The following NOXRED1 variants were observed in gnomAD, a reference collection of about 807,000 sequenced individuals.
The protein encoded by NOXRED1 is NADP-dependent oxidoreductase domain-containing protein 1.
A neutral mutation model predicts 30.4 loss-of-function variants in NOXRED1; 20 were observed. The observed-to-expected ratio is 0.66, with a 90% CI of 0.46 to 0.96. The LOEUF (loss-of-function observed/expected upper bound fraction) is 0.96. Among genes scored for constraint, NOXRED1 ranks in the 40% least tolerant of loss-of-function variants. NOXRED1 has a pLI of 0.00. For synonymous variants in NOXRED1, 155 were observed against 168.0 expected (o/e 0.92, Z 0.60); for missense variants, 374 against 428.0 (o/e 0.87, Z 1.11).
intron 5 of NOXRED1, among the ~76,000 whole-genome samples, chr14:77,401,611 T>G (rs569194558): frequency 6.6e-6 from 1 of 152,164 alleles, no homozygotes; most frequent in African/African-American, 2.4e-5. Context: ...GAAGCTGAAG[T>G]GGGAGGATTG....
chr14:77,415,890 AT>A (rs2139694589), intron 1 of NOXRED1, among the ~76,000 whole-genome samples: 1 of 151,978 alleles, frequency 6.6e-6, no homozygotes, highest in East Asian at 1.9e-4. Context: ...TAATTTTTGT[AT>A]TTTTAGTAGA....
chr14:77,414,143 A>T lies in NOXRED1; in HGVS notation c.156-16T>A. 2.0e-6 allele frequency: 3 copies of T among 1,504,950 alleles called. No individual in the cohort carries two copies. Among genetic ancestry groups the T allele is most frequent in the Non-Finnish European group, 2.7e-6 (3 of 1,098,702 alleles). The allele number at this position is 1,504,950 out of a possible 1,614,324, so 93.2% of individuals were successfully genotyped here. ...TAATGATGCTCTGGAGAATGAACAC[A>T]CAGACACGTACATAAATACATGCAC... On this transcript the variant is annotated splice_polypyrimidine_tract_variant and intron_variant, in intron 1 of 5. Coordinates refer to ENST00000380835, the MANE Select transcript of NOXRED1 (RefSeq NM_001113475.3).
At chr14:77,419,493 G>A (rs1894928379) in intron 1 of NOXRED1, among the ~76,000 whole-genome samples, 1 of 138,992 alleles carries the variant, frequency 7.2e-6, no homozygotes, top group Non-Finnish European at 1.5e-5. Flanking sequence ...CTTTCGCCCA[G>A]GCTGGACTGC....
At chr14:77,404,511 G>A (rs1013760730) in intron 5 of NOXRED1, among the ~76,000 whole-genome samples, 1 of 152,158 alleles carries the variant, frequency 6.6e-6, no homozygotes, top group Non-Finnish European at 1.5e-5. Flanking sequence ...CCTAGGCACA[G>A]CATTGACATT....
chr14:77,423,850 A>G (rs1895063417), upstream of NOXRED1, among the ~76,000 whole-genome samples: 1 of 152,232 alleles, frequency 6.6e-6, no homozygotes, highest in South Asian at 2.1e-4. Context: ...TGAAATCCAC[A>G]TAACATAAAA....
At chr14:77,395,280 G>T (rs1894152773) in intron 5 of NOXRED1, among the ~76,000 whole-genome samples, 1 of 151,414 alleles carries the variant, frequency 6.6e-6, no homozygotes, top group African/African-American at 2.4e-5. Context: ...CAATTTTTTT[G>T]TATTTTTAGT....
Position 77,407,355 on chromosome 14 carries a change from G to A in NOXRED1, c.530+110C>T, listed in dbSNP as rs1293735364. 1.7e-5 allele frequency: 13 copies of A among 784,538 alleles called. No homozygotes were observed. The South Asian group carries it at 2.0e-4, about 12-fold the overall frequency. 48.6% of individuals were successfully genotyped at this position (784,538 alleles called of 1,614,324 possible). ...ATAAAGCTGCTTCCTCCTTATTACT[G>A]GAAACAACCAACTCTAAGAGATAGG... is the stretch of plus-strand genomic sequence containing the variant. On this transcript the variant is annotated intron_variant, in intron 3 of 5. Coordinates refer to ENST00000380835, the MANE Select transcript of NOXRED1 (RefSeq NM_001113475.3).
At chr14:77,411,030 C>G (rs1894634843) in intron 2 of NOXRED1, among the ~76,000 whole-genome samples, 1 of 152,124 alleles carries the variant, frequency 6.6e-6, no homozygotes, top group Non-Finnish European at 1.5e-5. Flanking sequence ...TACATGAACA[C>G]TTATATACAT....
intron 5 of NOXRED1, among the ~76,000 whole-genome samples, chr14:77,399,622 A>T (rs916341671): frequency 2.6e-5 from 4 of 152,208 alleles, no homozygotes; most frequent in African/African-American, 9.6e-5. Flanking sequence ...TAGACTGTTC[A>T]TGGCCGAGGA....
At chr14:77,415,909 T>G (rs1894809399) in intron 1 of NOXRED1, among the ~76,000 whole-genome samples, 1 of 151,804 alleles carries the variant, frequency 6.6e-6, no homozygotes, top group African/African-American at 2.4e-5. Context: ...AGAGATGAGG[T>G]TCTCCATGTT....
chr14:77,422,869 A>G lies in NOXRED1; in HGVS notation c.21T>C (p.Leu7=), dbSNP rs1368588734. The change falls in exon 1 of 6, where the codon CTT becomes CTC. Residue 7 remains leucine (L), a synonymous_variant. Transcript: ENST00000380835. ...CCCCATACTCAAACTGCAGGGACTC[A>G]AGGTCCTGGAGCATGTCCATTTCCA... MDMLQD[L]ESLQFEYGVP... 1 of 1,613,740 alleles carries G rather than the reference A, an allele frequency of 6.2e-7. No individual in the cohort carries two copies. The highest frequency in any genetic ancestry group is 8.5e-7 in the Non-Finnish European group (1 of 1,179,806).
At position 77,406,811 on chromosome 14, in the gene NOXRED1, C is replaced by G. The variant is rs967485225; in HGVS notation, c.595G>C (p.Val199Leu). 1.1e-5 allele frequency: 17 copies of G among 1,613,934 alleles called. No individual in the cohort carries two copies. Among genetic ancestry groups the G allele is most frequent in the Non-Finnish European group, 1.4e-5 (17 of 1,179,946 alleles). ...CCCTTATTGGCCCCCCAGACGCTGA[C>G]AGAATCTTCATCATACTGATACTGA... Reference protein sequence around the residue: ...RPQYQYDEDSVSVWGANKGVI... With the variant: ...RPQYQYDEDSLSVWGANKGVI... The change falls in exon 4 of 6, where the codon GTC (valine) becomes CTC (leucine). Residue 199 changes from valine (V) to leucine (L), a missense_variant. By Grantham distance (32) the Val-to-Leu change is conservative (BLOSUM62 1). Transcript: ENST00000380835.
chr14:77,401,707 A>G (rs1317680805), intron 5 of NOXRED1, among the ~76,000 whole-genome samples: 1 of 152,232 alleles, frequency 6.6e-6, no homozygotes, highest in East Asian at 1.9e-4. Flanking sequence ...CCTTGTCTCA[A>G]CAACAAACAA....
intron 5 of NOXRED1, among the ~76,000 whole-genome samples, chr14:77,403,570 C>T (rs1894380991): frequency 6.6e-6 from 1 of 152,020 alleles, no homozygotes; most frequent in Non-Finnish European, 1.5e-5. Flanking sequence ...GTGGGAAGAT[C>T]ACGTGAGCCC....
intron 5 of NOXRED1, among the ~76,000 whole-genome samples, chr14:77,402,084 TAGG>T (rs1894341306): frequency 6.6e-6 from 1 of 151,970 alleles, no homozygotes. Flanking sequence ...GAAGATAACA[TAGG>T]AGAAAATCTA....
intron 5 of NOXRED1, among the ~76,000 whole-genome samples, chr14:77,400,218 C>G (rs1894292271): frequency 6.6e-6 from 1 of 152,070 alleles, no homozygotes; most frequent in African/African-American, 2.4e-5. Context: ...CAAAGAAGTT[C>G]CTTAGGAGGA....
chr14:77,398,950 C>T (rs979493837), intron 5 of NOXRED1, among the ~76,000 whole-genome samples: 26 of 151,932 alleles, frequency 1.7e-4, no homozygotes, highest in Admixed American at 6.6e-5. Context: ...GCCTGGGCAA[C>T]AGGGCAAGAC....
At chr14:77,417,209 C>T (rs1337025662) in intron 1 of NOXRED1, among the ~76,000 whole-genome samples, 1 of 150,910 alleles carries the variant, frequency 6.6e-6, no homozygotes, top group Non-Finnish European at 1.5e-5. Flanking sequence ...TATTTTGTGA[C>T]CTAACGTGAT....
chr14:77,396,375 A>G (rs1328422906), intron 5 of NOXRED1, among the ~76,000 whole-genome samples: 2 of 150,520 alleles, frequency 1.3e-5, no homozygotes, highest in Non-Finnish European at 3.0e-5. Context: ...TCAGCCTCCC[A>G]AGTAGCTGGG....
Sources: gnomAD v4.1 joint callset for allele counts (sites outside exome capture counted in the v4.1 genomes callset) on GRCh38, gnomAD v4.1.1 for gene constraint, MANE v1.5 for transcripts, NCBI Gene and HGNC (gene_info 2026-07-23, HGNC 2026-07-21) for gene names.